The following MYO3B variants were observed in gnomAD, a reference collection of about 807,000 sequenced individuals.
The protein encoded by MYO3B is myosin-IIIb.
MYO3B carries 156 observed loss-of-function variants against 174.6 expected under a neutral mutation model. The ratio of observed to expected loss-of-function variants is 0.89; its 90% CI spans 0.78 to 1.02. MYO3B has a LOEUF of 1.02. MYO3B is among the 50% of genes least tolerant of loss of function. The pLI is 0.00. For missense variants in MYO3B, 1,632 were observed against 1,639.4 expected (o/e 1.00, Z 0.08); for synonymous variants, 563 against 569.1 (o/e 0.99, Z 0.15).
chr2:170,244,957 A>G (rs186642206), intron 7 of MYO3B, among the ~76,000 whole-genome samples: 1 of 152,202 alleles, frequency 6.6e-6, no homozygotes, highest in Non-Finnish European at 1.5e-5. Context: ...GTTGAGGAAC[A>G]CTGGATAATT....
chr2:170,405,593 G>A lies in MYO3B; in HGVS notation c.2480G>A (p.Gly827Glu), dbSNP rs754572075. The change falls in exon 21 of 35, where the codon GGA becomes GAA. Residue 827 changes from glycine to glutamate, a missense_variant. Transcript: ENST00000408978. ...LRCKYFWRPK[G>E]VELCFGIQHY... ...TGCAAATACTTCTGGAGGCCCAAAG[G>A]AGTGGAACTGTGCTTTGGCATTCAG... 1.3e-5 allele frequency: 21 copies of A among 1,614,072 alleles called. No individual in the cohort carries two copies. In the East Asian group the frequency reaches 1.6e-4, roughly 12 times the overall value.
intron 7 of MYO3B, among the ~76,000 whole-genome samples, chr2:170,312,999 A>G (rs917746314): frequency 5.3e-5 from 8 of 152,228 alleles, no homozygotes; most frequent in African/African-American, 1.9e-4. Context: ...CCATTATGGA[A>G]TTGAAGGACC....
In MYO3B at chr2:170,400,420, T is replaced by TTTA. The variant is rs1553482693; in HGVS notation, c.1918+106_1918+107insTTA. 810 of 1,212,550 alleles carry TTTA rather than the reference T, an allele frequency of 6.7e-4. 2 individuals carry two copies. Among genetic ancestry groups the TTTA allele is most frequent in the Middle Eastern group, 7.9e-4 (3 of 3,796 alleles). 75.1% of individuals were successfully genotyped at this position (1,212,550 alleles called of 1,614,324 possible). ...GCTGGTCCTTTTTTTTTTTTTTTTT[T>TTTA]ATCGAGATGGAGTCTCACTCTGTCA... On this transcript the variant is annotated intron_variant, in intron 17 of 34. Transcript: ENST00000408978.
At chr2:170,450,732 TTTAA>T (rs1244794318) in intron 23 of MYO3B, among the ~76,000 whole-genome samples, 2 of 152,224 alleles carry the variant, frequency 1.3e-5, no homozygotes, top group African/African-American at 4.8e-5. Context: ...TTTATGCAGT[TTTAA>T]TTAGTTTGAC....
chr2:170,613,065 A>T, intron 32 of MYO3B, among the ~76,000 whole-genome samples: 1 of 152,198 alleles, frequency 6.6e-6, no homozygotes, highest in Non-Finnish European at 1.5e-5. Context: ...AAGCAGGGCC[A>T]TACTCCAGTC....
chr2:170,418,007 G>A (rs934121088), intron 22 of MYO3B, among the ~76,000 whole-genome samples: 1 of 152,210 alleles, frequency 6.6e-6, no homozygotes, highest in Admixed American at 6.5e-5. Flanking sequence ...CAAGGAGGAG[G>A]GAGTGGGGCT....
chr2:170,443,430 A>G (rs1002497155), intron 22 of MYO3B, among the ~76,000 whole-genome samples: 1 of 152,078 alleles, frequency 6.6e-6, no homozygotes, highest in Non-Finnish European at 1.5e-5. Flanking sequence ...ATTTTCTCCC[A>G]TTCTGTAGGT....
At chr2:170,279,375 C>T (rs1232515632) in intron 7 of MYO3B, among the ~76,000 whole-genome samples, 1 of 151,876 alleles carries the variant, frequency 6.6e-6, no homozygotes, top group Non-Finnish European at 1.5e-5. Context: ...TTGCATTTCC[C>T]TGATAATTAG....
intron 7 of MYO3B, among the ~76,000 whole-genome samples, chr2:170,330,391 A>G (rs2093903524): frequency 6.6e-6 from 1 of 152,212 alleles, no homozygotes; most frequent in Admixed American, 6.5e-5. Flanking sequence ...GTATATGGGC[A>G]TTGGAGACAG....
At chr2:170,390,987 C>A (rs763043681) in intron 14 of MYO3B, among the ~76,000 whole-genome samples, 1 of 151,994 alleles carries the variant, frequency 6.6e-6, no homozygotes, top group Non-Finnish European at 1.5e-5. Flanking sequence ...GCCAGGGTAG[C>A]CTAAAAGAGG....
chr2:170,283,171 G>A (rs2093526868), intron 7 of MYO3B, among the ~76,000 whole-genome samples: 1 of 152,118 alleles, frequency 6.6e-6, no homozygotes, highest in African/African-American at 2.4e-5. Context: ...CTTCTCTAGG[G>A]CAATGATATT....
At chr2:170,598,054 T>C (rs900080462) in intron 32 of MYO3B, among the ~76,000 whole-genome samples, 3 of 152,236 alleles carry the variant, frequency 2.0e-5, no homozygotes, top group Admixed American at 6.5e-5. Context: ...ATGGGTCTTT[T>C]GGCAACGAAC....
intron 7 of MYO3B, among the ~76,000 whole-genome samples, chr2:170,316,129 A>G (rs1457277057): frequency 6.6e-6 from 1 of 152,244 alleles, no homozygotes; most frequent in Non-Finnish European, 1.5e-5. Context: ...CATATCTCAC[A>G]GTGTTATGAT....
At chr2:170,521,407 G>A (rs1434186170) in intron 30 of MYO3B, among the ~76,000 whole-genome samples, 2 of 152,142 alleles carry the variant, frequency 1.3e-5, no homozygotes, top group African/African-American at 4.8e-5. Context: ...GTTTGACCTT[G>A]GGCAAGTCAG....
At chr2:170,299,884 C>G (rs1161739015) in intron 7 of MYO3B, among the ~76,000 whole-genome samples, 1 of 152,068 alleles carries the variant, frequency 6.6e-6, no homozygotes, top group Non-Finnish European at 1.5e-5. Context: ...ATCTGAAAAC[C>G]TAGAAAGCAT....
At chr2:170,211,473 G>A (rs1052891548) in intron 3 of MYO3B, among the ~76,000 whole-genome samples, 1 of 152,150 alleles carries the variant, frequency 6.6e-6, no homozygotes, top group Non-Finnish European at 1.5e-5. Flanking sequence ...AAACCAACAA[G>A]CCTCACTTAA....
chr2:170,445,331 C>A (rs974645000), intron 23 of MYO3B, among the ~76,000 whole-genome samples: 1 of 150,794 alleles, frequency 6.6e-6, no homozygotes, highest in Non-Finnish European at 1.5e-5. Flanking sequence ...ACCACACTTG[C>A]GGGGATACAT....
chr2:170,336,689 C>T (rs992345458), intron 8 of MYO3B, among the ~76,000 whole-genome samples: 2 of 152,130 alleles, frequency 1.3e-5, no homozygotes, highest in Non-Finnish European at 2.9e-5. Flanking sequence ...GCCCCATATC[C>T]TGCTGGGGCT....
chr2:170,601,925 A>G (rs1694534686), intron 32 of MYO3B: 7 of 824,298 alleles, frequency 8.5e-6, no homozygotes, highest in Non-Finnish European at 4.1e-6. Flanking sequence ...AACAGCAAAA[A>G]GGCCGAAGGA....
Sources: gnomAD v4.1 joint callset for allele counts (sites outside exome capture counted in the v4.1 genomes callset) on GRCh38, gnomAD v4.1.1 for gene constraint, MANE v1.5 for transcripts, NCBI Gene and HGNC (gene_info 2026-07-23, HGNC 2026-07-21) for gene names.